Variants in PRKCA observed in about 807,000 individuals in gnomAD.
PRKCA encodes the protein protein kinase C alpha type.
PRKCA carries 27 observed loss-of-function variants against 87.0 expected under a neutral mutation model. That is an observed-to-expected ratio of 0.31 (90% CI 0.23 to 0.43). The LOEUF is 0.43. PRKCA is among the 20% of genes least tolerant of loss of function. PRKCA has a pLI of 1.00. For missense variants in PRKCA, 518 were observed against 852.3 expected (o/e 0.61, Z 4.88); for synonymous variants, 329 against 311.1 (o/e 1.06, Z -0.61).
chr17:66,769,355 C>CAAA (rs534779519), intron 13 of PRKCA, among the ~76,000 whole-genome samples: 1 of 127,992 alleles, frequency 7.8e-6, no homozygotes, highest in Admixed American at 8.0e-5. Flanking sequence ...GACACTGTCT[C>CAAA]AAAAAAAAAA....
At chr17:66,702,614 GTTAA>G (rs1319947227) in intron 8 of PRKCA, among the ~76,000 whole-genome samples, 1 of 152,162 alleles carries the variant, frequency 6.6e-6, no homozygotes, top group Non-Finnish European at 1.5e-5. Flanking sequence ...TGACAGATAT[GTTAA>G]TTAGTTTGAT....
chr17:66,396,455 C>CT (rs1237481335), intron 2 of PRKCA, among the ~76,000 whole-genome samples: 3 of 151,826 alleles, frequency 2.0e-5, no homozygotes, highest in Admixed American at 2.0e-4. Flanking sequence ...TCTTTACAGT[C>CT]TTTTTTTTCC....
chr17:66,548,526 C>G (rs1057257414), intron 3 of PRKCA, among the ~76,000 whole-genome samples: 15 of 152,198 alleles, frequency 9.9e-5, no homozygotes, highest in African/African-American at 3.6e-4. Context: ...CTCACTTAAT[C>G]TTTACAACAA....
At chr17:66,355,564 C>T (rs569088736) in intron 2 of PRKCA, among the ~76,000 whole-genome samples, 1 of 152,158 alleles carries the variant, frequency 6.6e-6, no homozygotes, top group African/African-American at 2.4e-5. Context: ...ATCGTGGCTG[C>T]CATCATCATT....
At chr17:66,715,777 T>G (rs1029683891) in intron 8 of PRKCA, among the ~76,000 whole-genome samples, 2 of 152,338 alleles carry the variant, frequency 1.3e-5, no homozygotes, top group Non-Finnish European at 2.9e-5. Context: ...GTGTCTTGTT[T>G]GTGCCATCTT....
At chr17:66,491,958 C>T (rs754147662) in intron 2 of PRKCA, among the ~76,000 whole-genome samples, 26 of 152,310 alleles carry the variant, frequency 1.7e-4, no homozygotes, top group Admixed American at 5.9e-4. Context: ...GTTCCCCTCA[C>T]GGTAAGTGGG....
At chr17:66,751,799 G>A (rs1244142011) in intron 13 of PRKCA, among the ~76,000 whole-genome samples, 1 of 152,112 alleles carries the variant, frequency 6.6e-6, no homozygotes, top group Non-Finnish European at 1.5e-5. Context: ...TGGCTAGGGG[G>A]GGTCTCAGGA....
At chr17:66,446,123 CTT>C (rs1011249111) in intron 2 of PRKCA, among the ~76,000 whole-genome samples, 3 of 152,144 alleles carry the variant, frequency 2.0e-5, no homozygotes, top group African/African-American at 7.2e-5. Context: ...CTGGCTGACT[CTT>C]TGAATTAGAA....
At chr17:66,329,828 C>T (rs758725642) in intron 2 of PRKCA, among the ~76,000 whole-genome samples, 16 of 152,136 alleles carry the variant, frequency 1.1e-4, no homozygotes, top group Admixed American at 5.9e-4. Context: ...TCAAACACAC[C>T]CCGTCATTTA....
chr17:66,354,038 G>T (rs1270289349), intron 2 of PRKCA, among the ~76,000 whole-genome samples: 1 of 152,152 alleles, frequency 6.6e-6, no homozygotes, highest in African/African-American at 2.4e-5. Context: ...TTTATGATTT[G>T]GGAATCAGAT....
chr17:66,775,186 A>G (rs61762766), intron 14 of PRKCA: 464,474 of 971,476 alleles, frequency 0.48, 111,390 homozygotes, highest in African/African-American at 0.67. Context: ...CCACCCCCAC[A>G]TAGGACACTT....
intron 3 of PRKCA, among the ~76,000 whole-genome samples, chr17:66,558,304 C>CATGTATAAAA (rs1968564884): frequency 6.6e-6 from 1 of 152,166 alleles, no homozygotes; most frequent in Admixed American, 6.5e-5. Flanking sequence ...AACATGTATG[C>CATGTATAAAA]CAATAAATAC....
At chr17:66,495,993 C>T (rs1916460020) in intron 2 of PRKCA, among the ~76,000 whole-genome samples, 1 of 152,166 alleles carries the variant, frequency 6.6e-6, no homozygotes, top group East Asian at 1.9e-4. Context: ...CCTGTCAGTG[C>T]TGGCATTTTG....
At chr17:66,516,131 T>C (rs371481727) in intron 3 of PRKCA, among the ~76,000 whole-genome samples, 8 of 152,330 alleles carry the variant, frequency 5.3e-5, no homozygotes, top group African/African-American at 1.9e-4. Flanking sequence ...GGGTTGCCTG[T>C]AGAAACGGCA....
At chr17:66,358,182 T>C (rs971363806) in intron 2 of PRKCA, among the ~76,000 whole-genome samples, 1 of 151,752 alleles carries the variant, frequency 6.6e-6, no homozygotes, top group Non-Finnish European at 1.5e-5. Flanking sequence ...GCCCAAAAAG[T>C]TTATTAGCGT....
intron 5 of PRKCA, among the ~76,000 whole-genome samples, chr17:66,658,703 G>A (rs1730325931): frequency 6.6e-6 from 1 of 152,152 alleles, no homozygotes; most frequent in Admixed American, 6.5e-5. Context: ...ATACGTATTA[G>A]GGGTTGTTAC....
intron 2 of PRKCA, among the ~76,000 whole-genome samples, chr17:66,352,949 A>G (rs143284986): frequency 6.6e-5 from 10 of 152,264 alleles, no homozygotes; most frequent in African/African-American, 2.2e-4. Context: ...GAGATGAAAT[A>G]ATTTTATCCA....
At chr17:66,549,141 G>GTT (rs538579897) in intron 3 of PRKCA, among the ~76,000 whole-genome samples, 8,039 of 138,494 alleles carry the variant, frequency 0.058, 267 homozygotes, top group Middle Eastern at 0.093. Context: ...GTTTATGGCA[G>GTT]TTTTTTTTTT....
intron 16 of PRKCA, among the ~76,000 whole-genome samples, chr17:66,799,064 G>GTGATGA (rs1975792760): frequency 7.0e-5 from 1 of 14,294 alleles, no homozygotes; most frequent in African/African-American, 3.3e-4. Flanking sequence ...GGTGGTGGTG[G>GTGATGA]TGGTGGTGGT....
Sources: allele counts gnomAD v4.1 joint callset (sites outside exome capture counted in the v4.1 genomes callset), GRCh38; gene constraint gnomAD v4.1.1; transcripts MANE v1.5; gene names NCBI Gene and HGNC (gene_info 2026-07-23, HGNC 2026-07-21).